CACNB2: variants seen among roughly 807,000 people sequenced by gnomAD.
CACNB2 encodes calcium voltage-gated channel auxiliary subunit beta 2.
A neutral mutation model predicts 73.3 loss-of-function variants in CACNB2; 42 were observed. That is an observed-to-expected ratio of 0.57 (90% CI 0.45 to 0.74). The LOEUF (loss-of-function observed/expected upper bound fraction) is 0.74. Ranked by LOEUF, CACNB2 falls within the 30% of genes least tolerant of loss-of-function variation. The pLI, the probability that CACNB2 is intolerant of heterozygous loss-of-function variation, is 0.00. For missense variants in CACNB2, 940 were observed against 853.0 expected, an observed-to-expected ratio of 1.10 and a Z score of -1.27; for synonymous variants, 348 against 310.3, an observed-to-expected ratio of 1.12 and a Z score of -1.28.
chr10:18,457,251 C>G (rs569819200), intron 3 of CACNB2, among the ~76,000 whole-genome samples: 3 of 152,174 alleles, frequency 2.0e-5, no homozygotes, highest in African/African-American at 7.2e-5. Context: ...CCACCACAAC[C>G]AACTAATTTT....
intron 3 of CACNB2, among the ~76,000 whole-genome samples, chr10:18,497,024 A>G (rs552410557): frequency 6.6e-6 from 1 of 151,136 alleles, no homozygotes; most frequent in African/African-American, 2.4e-5. Context: ...CAGCTTGGCC[A>G]ACACAGTGAA....
intron 10 of CACNB2, among the ~76,000 whole-genome samples, chr10:18,532,292 T>C (rs1293093277): frequency 6.6e-6 from 1 of 152,168 alleles, no homozygotes; most frequent in Admixed American, 6.5e-5. Flanking sequence ...TATATGTGTA[T>C]ATATTAAAAC....
chr10:18,421,002 G>A (rs2045288721), intron 3 of CACNB2, among the ~76,000 whole-genome samples: 1 of 152,018 alleles, frequency 6.6e-6, no homozygotes, highest in Non-Finnish European at 1.5e-5. Context: ...TACTTTTGAT[G>A]AATGACTTGA....
At chr10:18,246,492 T>A (rs574303052) in intron 2 of CACNB2, among the ~76,000 whole-genome samples, 1 of 152,302 alleles carries the variant, frequency 6.6e-6, no homozygotes, top group African/African-American at 2.4e-5. Context: ...GTCCCCAGGT[T>A]GTTTATTTCT....
rs560030302 is a variant in CACNB2, at chr10:18,247,033, G to C, written c.213+96058G>C. Among the ~76,000 whole-genome samples, 8 of 152,294 alleles carry C rather than the reference G, an allele frequency of 5.3e-5. 1 individual carries two copies. In the South Asian group the frequency reaches 1.7e-3, roughly 32 times the overall value. Reference sequence around the variant, plus strand: ...GTAGGTAAGATGCAGCCTCGCAGTTGTAAGGCATAATCTGCTGGGGCCTTC... The same window carrying C: ...GTAGGTAAGATGCAGCCTCGCAGTTCTAAGGCATAATCTGCTGGGGCCTTC... On this transcript the variant is annotated intron_variant, in intron 2 of 13. Transcript: ENST00000324631.
At chr10:18,525,351 G>GT (rs758413217) in intron 9 of CACNB2, among the ~76,000 whole-genome samples, 78 of 152,040 alleles carry the variant, frequency 5.1e-4, no homozygotes, top group Non-Finnish European at 1.0e-3. Context: ...GTATATACAT[G>GT]TTTTTTTCAA....
chr10:18,341,395 A>T (rs1003492409), intron 2 of CACNB2, among the ~76,000 whole-genome samples: 1 of 152,200 alleles, frequency 6.6e-6, no homozygotes, highest in Non-Finnish European at 1.5e-5. Context: ...GCAAATTAAG[A>T]TTCTTTTACT....
intron 3 of CACNB2, among the ~76,000 whole-genome samples, chr10:18,478,616 A>C (rs1195070195): frequency 3.3e-5 from 5 of 152,238 alleles, no homozygotes. Context: ...AATGTATTTA[A>C]CATGCACACG....
At chr10:18,532,723 AAAAC>A (rs1212659691) in intron 10 of CACNB2, among the ~76,000 whole-genome samples, 10 of 150,672 alleles carry the variant, frequency 6.6e-5, no homozygotes, top group African/African-American at 2.5e-4. Flanking sequence ...ACAAACAAAA[AAAAC>A]AAAAAAACCC....
intron 3 of CACNB2, among the ~76,000 whole-genome samples, chr10:18,445,381 A>C (rs1026639992): frequency 2.6e-5 from 4 of 152,214 alleles, no homozygotes; most frequent in African/African-American, 7.2e-5. Flanking sequence ...TTGCACTTTA[A>C]AGAAGAATGT....
intron 3 of CACNB2, among the ~76,000 whole-genome samples, chr10:18,438,002 A>ATTTT (rs56671616): frequency 1.9e-4 from 8 of 41,766 alleles, no homozygotes; most frequent in Non-Finnish European, 2.5e-4. Context: ...GCCCAGTTGG[A>ATTTT]TTTTTTTTTT....
At chr10:18,485,586 G>C (rs2049015651) in intron 3 of CACNB2, among the ~76,000 whole-genome samples, 1 of 143,518 alleles carries the variant, frequency 7.0e-6, no homozygotes, top group African/African-American at 2.6e-5. Context: ...TTCTGAGATG[G>C]AGCCTCATTG....
intron 2 of CACNB2, among the ~76,000 whole-genome samples, chr10:18,183,855 CG>C (rs1451673902): frequency 1.3e-5 from 2 of 152,092 alleles, no homozygotes; most frequent in Non-Finnish European, 2.9e-5. Context: ...GGTAGTTCAC[CG>C]AATGCCCTAA....
chr10:18,402,154 G>C, intron 3 of CACNB2, 111 bp downstream of exon 3: 1 of 1,247,244 alleles, frequency 8.0e-7, no homozygotes, highest in Non-Finnish European at 1.2e-6. Context: ...GAATTTCATT[G>C]TCTGGTTTTA....
At chr10:18,333,437 A>G (rs2040880019) in intron 2 of CACNB2, among the ~76,000 whole-genome samples, 1 of 143,496 alleles carries the variant, frequency 7.0e-6, no homozygotes, top group African/African-American at 2.7e-5. Flanking sequence ...AAATTTTGTT[A>G]ATGTTAAAAA....
At chr10:18,504,055 G>A (rs942322494) in intron 5 of CACNB2, among the ~76,000 whole-genome samples, 4 of 152,222 alleles carry the variant, frequency 2.6e-5, no homozygotes, top group African/African-American at 9.7e-5. Flanking sequence ...TAGAAACTGA[G>A]AAATGAGAAC....
At chr10:18,387,437 G>C (rs1191681345) in intron 2 of CACNB2, among the ~76,000 whole-genome samples, 2 of 152,136 alleles carry the variant, frequency 1.3e-5, no homozygotes, top group Non-Finnish European at 2.9e-5. Context: ...CACTGGGAGT[G>C]CTCTGGGATT....
At chr10:18,243,120 T>C (rs544259568) in intron 2 of CACNB2, among the ~76,000 whole-genome samples, 1 of 152,216 alleles carries the variant, frequency 6.6e-6, no homozygotes, top group African/African-American at 2.4e-5. Context: ...ATATTTTCAA[T>C]AAAATTAATA....
intron 2 of CACNB2, among the ~76,000 whole-genome samples, chr10:18,200,443 G>A (rs2034831197): frequency 6.6e-6 from 1 of 151,822 alleles, no homozygotes; most frequent in Non-Finnish European, 1.5e-5. Flanking sequence ...TTCATGAAAG[G>A]AAGGGGAAAT....
Sources: allele counts gnomAD v4.1 joint callset (sites outside exome capture counted in the v4.1 genomes callset), GRCh38; gene constraint gnomAD v4.1.1; transcripts MANE v1.5; gene names NCBI Gene and HGNC (gene_info 2026-07-23, HGNC 2026-07-21).